Variants in RPL13 observed in about 807,000 individuals in gnomAD.
RPL13 encodes the protein ribosomal protein L13.
In RPL13, 1 loss-of-function variant was observed where a neutral mutation model predicts 21.4. That is an observed-to-expected ratio of 0.05 (90% CI 0.02 to 0.22). RPL13 has a LOEUF of 0.22. Ranked by LOEUF, RPL13 falls within the 10% of genes least tolerant of loss-of-function variation. The probability of loss-of-function intolerance (pLI) is 1.00; values close to 1 mark genes in which losing one functional copy is unlikely to be tolerated. For synonymous variants in RPL13, 143 were observed against 120.5 expected, an observed-to-expected ratio of 1.19 and a Z score of -1.23; for missense variants, 289 against 303.0, an observed-to-expected ratio of 0.95 and a Z score of 0.34.
intron 5 of RPL13, 174 bp from the exon 6 acceptor site, chr16:89,562,710 C>CT (rs368479679): frequency 0.013 from 6,818 of 527,114 alleles, no homozygotes; most frequent in South Asian, 0.02. Context: ...GAGGGTTTTT[C>CT]TTTTTTTTTT....
chr16:89,561,992 C>T (rs1237028928), intron 4 of RPL13: 1 of 592,956 alleles, frequency 1.7e-6, no homozygotes, highest in East Asian at 2.8e-5. Flanking sequence ...CCCTAAAATG[C>T]TTCGTATTCC....
downstream of RPL13, chr16:89,565,069 C>T (rs2058774501): frequency 6.6e-6 from 1 of 151,880 alleles, no homozygotes. Flanking sequence ...CTGAACCTGC[C>T]AGAGTCCCCT....
chr16:89,561,130 C>G (rs930419568), intron 2 of RPL13, 67 bp downstream of exon 2: 5 of 1,533,458 alleles, frequency 3.3e-6, no homozygotes, highest in Non-Finnish European at 4.4e-6. Context: ...TTGCGGGTGG[C>G]CGATGCCAGG....
At position 89,563,148 on chromosome 16, in the gene RPL13, C is replaced by T. The variant is rs1416823925; in HGVS notation, c.*106C>T. On this transcript the variant is annotated 3_prime_UTR_variant, in exon 6 of 6. Transcript: ENST00000311528. Reference sequence around the variant, plus strand: ...GGATGGGGCTTCACTGCTGTGACTTCCTCCTGCCAGGGGATTTGGGGCTTT... The same window carrying T: ...GGATGGGGCTTCACTGCTGTGACTTTCTCCTGCCAGGGGATTTGGGGCTTT... The T allele has an allele frequency of 8.9e-7, 1 of 1,125,222 alleles. No individual in the cohort carries two copies. The highest frequency in any genetic ancestry group is 1.2e-6 in the Non-Finnish European group (1 of 844,982). 69.7% of individuals were successfully genotyped at this position (1,125,222 alleles called of 1,614,324 possible).
chr16:89,562,768 T>A (rs1185257819), intron 5 of RPL13, 116 bp from the exon 6 acceptor site: 22 of 1,101,768 alleles, frequency 2.0e-5, no homozygotes, highest in Non-Finnish European at 2.7e-5. Context: ...TCAGCAGTAC[T>A]TATGGCAGCG....
rs761740327 is a variant in RPL13 at position 89,561,630 on chromosome 16, C to G, written c.299C>G (p.Pro100Arg). Residue 100 changes from proline (P) to arginine (R), a missense_variant, in exon 4 of 6, where the codon CCG (proline) becomes CGG (arginine). Transcript: ENST00000311528. ...VARTIGISVD[P>R]RRRNKSTESL... ...CGGACCATCGGCATTTCTGTGGATC[C>G]GAGGAGGCGGAACAAGTCCACGGAG... 16 of 1,613,646 alleles carry G rather than the reference C, an allele frequency of 9.9e-6. No homozygotes were observed. The highest frequency in any genetic ancestry group is 5.0e-5 in the Admixed American group (3 of 60,010).
rs1347791708 is a variant in RPL13, at chr16:89,561,030, C to T, written c.71C>T (p.Thr24Met). The T allele has an allele frequency of 4.4e-6, 7 of 1,606,638 alleles. No homozygotes were observed. Among genetic ancestry groups the T allele is most frequent in the African/African-American group, 1.4e-5 (1 of 73,714 alleles). Residue 24 changes from threonine to methionine, a missense_variant, in exon 2 of 6, where the codon ACG (threonine) becomes ATG (methionine). Physicochemically the swap from Thr to Met is moderately conservative, Grantham distance 81 (BLOSUM62 -1). Coordinates refer to ENST00000311528, the MANE Select transcript of RPL13 (RefSeq NM_000977.4). ...FHKDWQRRVA[T>M]WFNQPARKIR... Reference sequence around the variant, plus strand: ...AAGGACTGGCAGCGGCGCGTGGCCACGTGGTTCAACCAGCCGGCCCGTAAG... The same window carrying T: ...AAGGACTGGCAGCGGCGCGTGGCCATGTGGTTCAACCAGCCGGCCCGTAAG...
intron 4 of RPL13, chr16:89,562,009 T>C (rs1487987721): frequency 8.5e-6 from 5 of 590,458 alleles, no homozygotes; most frequent in East Asian, 5.7e-5. Context: ...TTCCAAAATA[T>C]TTCTAGAAAG....
At chr16:89,562,056 T>G in intron 4 of RPL13, 1 of 589,188 alleles carries the variant, frequency 1.7e-6, no homozygotes, top group African/African-American at 1.9e-5. Context: ...GTCCATTGTA[T>G]ACGTTTCCGG....
Position 89,561,316 on chromosome 16 carries a change from G to T in RPL13, c.194G>T (p.Arg65Leu), listed in dbSNP as rs1366406514. 2.5e-6 allele frequency: 4 copies of T among 1,590,438 alleles called. No individual in the cohort carries two copies. Among genetic ancestry groups the T allele is most frequent in the African/African-American group, 2.7e-5 (2 of 74,590 alleles). ...IRPIVRCPTV[R>L]YHTKVRAGRG... ...CCCATCGTGCGCTGCCCCACGGTTC[G>T]GTACCACACGAAGGTGCGCGCCGGC... is the stretch of plus-strand genomic sequence containing the variant. The change falls in exon 3 of 6, where the codon CGG becomes CTG. Residue 65 changes from arginine (R) to leucine (L), a missense_variant. By Grantham distance (102) the Arg-to-Leu change is moderately radical. Coordinates refer to ENST00000311528, the MANE Select transcript of RPL13 (RefSeq NM_000977.4).
At position 89,561,270 on chromosome 16, in the gene RPL13, C is replaced by A; in HGVS notation, c.148C>A (p.Pro50Thr). Residue 50 changes from proline to threonine, a missense_variant, in exon 3 of 6, where the codon CCC becomes ACC. Pro to Thr is a conservative substitution (Grantham distance 38). Coordinates refer to ENST00000311528, the MANE Select transcript of RPL13 (RefSeq NM_000977.4). Reference protein sequence around the residue: ...QAKARRIAPRPASGPIRPIVR... With the variant: ...QAKARRIAPRTASGPIRPIVR... Reference sequence around the variant, plus strand: ...CAAGGCGCGCCGCATCGCCCCGCGCCCCGCGTCGGGTCCCATCCGGCCCAT... The same window carrying A: ...CAAGGCGCGCCGCATCGCCCCGCGCACCGCGTCGGGTCCCATCCGGCCCAT... 1 of 1,558,096 alleles carries A rather than the reference C, an allele frequency of 6.4e-7. No individual in the cohort carries two copies. Among genetic ancestry groups the A allele is most frequent in the Non-Finnish European group, 8.6e-7 (1 of 1,156,890 alleles).
At chr16:89,565,276 C>G (rs2058777578), downstream of RPL13, 1 of 120,944 alleles carries the variant, frequency 8.3e-6, no homozygotes, top group Non-Finnish European at 2.0e-5. Context: ...TGGTGAGGGT[C>G]ATGGATGTGG....
Position 89,560,931 on chromosome 16 carries a change from C to T in RPL13, c.-20-9C>T, listed in dbSNP as rs1009129054. 1.9e-6 allele frequency: 3 copies of T among 1,580,630 alleles called. No individual in the cohort carries two copies. The highest frequency in any genetic ancestry group is 1.4e-5 in the African/African-American group (1 of 72,228). On this transcript the variant is annotated splice_polypyrimidine_tract_variant and intron_variant, in intron 1 of 5. Coordinates refer to ENST00000311528, the MANE Select transcript of RPL13 (RefSeq NM_000977.4). ...TCCGGCCTCTCACTCGCTCCCCTCT[C>T]GTCCGCAGCCGCAGGGCCGTAGGCA...
chr16:89,561,882 G>A, intron 4 of RPL13, 131 bp downstream of exon 4: 1 of 991,950 alleles, frequency 1.0e-6, no homozygotes. Flanking sequence ...GAGCTAAGCG[G>A]GACTGCTAAG....
In RPL13 at chr16:89,561,290, G is replaced by A. The variant is rs1487962232; in HGVS notation, c.168G>A (p.Arg56=). 6.4e-7 allele frequency: 1 copy of A among 1,569,070 alleles called. No homozygotes were observed. The highest frequency in any genetic ancestry group is 8.6e-7 in the Non-Finnish European group (1 of 1,162,592). The change falls in exon 3 of 6, where the codon CGG becomes CGA. Residue 56 remains arginine, a synonymous_variant. Coordinates refer to ENST00000311528, the MANE Select transcript of RPL13 (RefSeq NM_000977.4). ...IAPRPASGPI[R]PIVRCPTVRY... ...CGCGCCCCGCGTCGGGTCCCATCCG[G>A]CCCATCGTGCGCTGCCCCACGGTTC...
intron 4 of RPL13, 175 bp downstream of exon 4, chr16:89,561,926 A>G: frequency 2.7e-6 from 2 of 733,580 alleles, no homozygotes; most frequent in Non-Finnish European, 4.4e-6. Flanking sequence ...GATAACCTTA[A>G]TGGACATGGC....
In RPL13 at chr16:89,563,572, T is replaced by G. The variant is rs1305179433; in HGVS notation, c.*530T>G. 2 of 142,396 alleles carry G rather than the reference T, an allele frequency of 1.4e-5. No homozygotes were observed. The highest frequency in any genetic ancestry group is 4.2e-4 in the East Asian group (2 of 4,814). The allele number at this position is 142,396 out of a possible 1,614,324, so 8.8% of individuals were successfully genotyped here. A position where few individuals can be genotyped will look rare whatever the true frequency, so the allele number is the denominator to read the frequency against. On this transcript the variant is annotated 3_prime_UTR_variant, in exon 6 of 6. Coordinates refer to ENST00000311528, the MANE Select transcript of RPL13 (RefSeq NM_000977.4). ...TAGCCTGGGCAACAGTGAGACTGTC[T>G]CAAAAAAAAAAAAAGAGACAGGGTC... is the stretch of plus-strand genomic sequence containing the variant.
chr16:89,561,167 C>G lies in RPL13; in HGVS notation c.105-60C>G, dbSNP rs1367622125. ...CGGGGGGCGCTGTCTGCAACCGTCG[C>G]GGAGCGCTGGCCTGGCGGCCTTAGG... On this transcript the variant is annotated intron_variant, in intron 2 of 5. Coordinates refer to ENST00000311528, the MANE Select transcript of RPL13 (RefSeq NM_000977.4). 5 of 1,511,906 alleles carry G rather than the reference C, an allele frequency of 3.3e-6. No homozygotes were observed. In the African/African-American group the frequency reaches 4.2e-5, roughly 13 times the overall value. 93.7% of individuals were successfully genotyped at this position (1,511,906 alleles called of 1,614,324 possible).
intron 4 of RPL13, 22 bp downstream of exon 4, chr16:89,561,773 C>G (rs777872544): frequency 6.2e-7 from 1 of 1,605,166 alleles, no homozygotes; most frequent in Admixed American, 1.7e-5. Context: ...GCTCTCTGGC[C>G]GTCCTGGTGC....
Sources: gnomAD v4.1 joint callset for allele counts on GRCh38, gnomAD v4.1.1 for gene constraint, MANE v1.5 for transcripts, NCBI Gene and HGNC (gene_info 2026-07-23, HGNC 2026-07-21) for gene names.